Variants in CCBE1 observed in about 807,000 individuals in gnomAD.
CCBE1 encodes the protein collagen and calcium binding EGF domains 1, also known as collagen and calcium-binding EGF domain-containing protein 1.
In CCBE1, 37 loss-of-function variants were observed where a neutral mutation model predicts 50.0. That is an observed-to-expected ratio of 0.74 (90% CI 0.57 to 0.97). The LOEUF (loss-of-function observed/expected upper bound fraction) is 0.97, where lower values mean the gene tolerates loss of function less well. CCBE1 is among the 50% of genes least tolerant of loss of function. The probability of loss-of-function intolerance (pLI) is 0.00; values close to 1 mark genes in which losing one functional copy is unlikely to be tolerated. For missense variants in CCBE1, 538 were observed against 523.8 expected (o/e 1.03, Z -0.26); for synonymous variants, 234 against 203.7 (o/e 1.15, Z -1.27).
intron 2 of CCBE1, among the ~76,000 whole-genome samples, chr18:59,665,181 C>G (rs201419521): frequency 6.6e-5 from 10 of 151,802 alleles, no homozygotes; most frequent in African/African-American, 2.4e-4. Context: ...AGAGTCCCCC[C>G]GAGACAAAAG....
intron 2 of CCBE1, chr18:59,568,488 T>C (rs1386244939): frequency 6.6e-6 from 1 of 152,206 alleles, no homozygotes; most frequent in African/African-American, 2.4e-5. Context: ...CAATGGACTA[T>C]TTACTTTTCT....
chr18:59,684,697 T>A (rs1432852487), intron 2 of CCBE1, among the ~76,000 whole-genome samples: 1 of 152,220 alleles, frequency 6.6e-6, no homozygotes, highest in Non-Finnish European at 1.5e-5. Context: ...ATTGCTGTTG[T>A]AACACTCAAA....
At chr18:59,599,561 A>T (rs2053403236) in intron 2 of CCBE1, among the ~76,000 whole-genome samples, 2 of 152,170 alleles carry the variant, frequency 1.3e-5, no homozygotes, top group African/African-American at 4.8e-5. Context: ...GTCACATTTC[A>T]TTCCTGGCCA....
In CCBE1 at chr18:59,534,398, A is replaced by G. The variant is rs181292493; in HGVS notation, c.213-54160T>C. On this transcript the variant is annotated intron_variant, in intron 2 of 10. Transcript: ENST00000439986. Reference sequence around the variant, plus strand: ...CTTTAAAATAAGTGGGATATTATTAAAAGCATGAAGAATATAGAAGTCAGC... The same window carrying G: ...CTTTAAAATAAGTGGGATATTATTAGAAGCATGAAGAATATAGAAGTCAGC... Among the ~76,000 whole-genome samples the G allele has an allele frequency of 9.2e-5, 14 of 152,362 alleles. No homozygotes were observed. In the East Asian group the frequency reaches 2.7e-3, roughly 29 times the overall value.
At chr18:59,455,288 C>A in intron 5 of CCBE1, 2 of 401,478 alleles carry the variant, frequency 5.0e-6, no homozygotes, top group Non-Finnish European at 9.5e-6. Flanking sequence ...ATAAATCTGA[C>A]ATGATTTATA....
At chr18:59,557,804 C>T (rs1038985769) in intron 2 of CCBE1, among the ~76,000 whole-genome samples, 3 of 152,220 alleles carry the variant, frequency 2.0e-5, no homozygotes, top group African/African-American at 7.2e-5. Flanking sequence ...TATGCTTTCG[C>T]TGCTTCGTTC....
rs542581770 is a variant in CCBE1 at position 59,434,817 on chromosome 18, T to C, written c.*1091A>G. The C allele has an allele frequency of 1.3e-5, 2 of 152,192 alleles. No homozygotes were observed. Among genetic ancestry groups the C allele is most frequent in the Non-Finnish European group, 1.5e-5 (1 of 68,030 alleles). 9.4% of individuals were successfully genotyped at this position (152,192 alleles called of 1,614,324 possible). A position where few individuals can be genotyped will look rare whatever the true frequency, so the allele number is the denominator to read the frequency against. On this transcript the variant is annotated 3_prime_UTR_variant, in exon 11 of 11. Transcript: ENST00000439986. ...CTCAATATGTTGGTGGCAAGCTTGGTTGGCTCCAGACAAAAACTTGTAATA... is the reference window on the plus strand; with the variant it reads ...CTCAATATGTTGGTGGCAAGCTTGGCTGGCTCCAGACAAAAACTTGTAATA...
intron 2 of CCBE1, among the ~76,000 whole-genome samples, chr18:59,539,586 G>A (rs115719591): frequency 1.3e-5 from 2 of 152,306 alleles, no homozygotes; most frequent in African/African-American, 2.4e-5. Context: ...AAGTTTTGGA[G>A]CATTTTGTTA....
intron 2 of CCBE1, among the ~76,000 whole-genome samples, chr18:59,561,446 G>A (rs903380392): frequency 2.6e-5 from 4 of 152,212 alleles, no homozygotes; most frequent in African/African-American, 4.8e-5. Flanking sequence ...GGAATAGACC[G>A]AGGCAGACAT....
chr18:59,673,476 A>G (rs1323144539), intron 2 of CCBE1, among the ~76,000 whole-genome samples: 1 of 152,204 alleles, frequency 6.6e-6, no homozygotes, highest in Non-Finnish European at 1.5e-5. Context: ...ATGGTTTGAG[A>G]TTGTCAAGAA....
At chr18:59,520,614 C>G (rs7236862) in intron 2 of CCBE1, among the ~76,000 whole-genome samples, 42,845 of 152,066 alleles carry the variant, frequency 0.28, 7,753 homozygotes, top group African/African-American at 0.51. Context: ...TCATGTGCGC[C>G]TGCACACACA....
intron 2 of CCBE1, among the ~76,000 whole-genome samples, chr18:59,509,401 A>T (rs999183332): frequency 6.6e-6 from 1 of 152,232 alleles, no homozygotes; most frequent in Non-Finnish European, 1.5e-5. Context: ...TAATGATACT[A>T]TCTATAAACT....
chr18:59,690,459 C>T (rs527806790), intron 2 of CCBE1, among the ~76,000 whole-genome samples: 7 of 152,188 alleles, frequency 4.6e-5, no homozygotes, highest in South Asian at 2.1e-4. Context: ...AAAGGAGCTC[C>T]GGTCCTGCTG....
At chr18:59,693,082 A>G (rs930453297) in intron 2 of CCBE1, among the ~76,000 whole-genome samples, 5 of 152,124 alleles carry the variant, frequency 3.3e-5, no homozygotes, top group Admixed American at 3.3e-4. Context: ...GAGCGAGCAT[A>G]CCCTAAAGCT....
At chr18:59,526,193 T>C (rs920013847) in intron 2 of CCBE1, among the ~76,000 whole-genome samples, 1 of 152,178 alleles carries the variant, frequency 6.6e-6, no homozygotes, top group Non-Finnish European at 1.5e-5. Flanking sequence ...TTCGTGTATC[T>C]ATCTCCTTCA....
chr18:59,632,277 G>C (rs1317053406), intron 2 of CCBE1, among the ~76,000 whole-genome samples: 1 of 152,144 alleles, frequency 6.6e-6, no homozygotes, highest in Admixed American at 6.6e-5. Flanking sequence ...TCTGGGCTGG[G>C]ACCTGACAAT....
chr18:59,617,705 C>T (rs937458736), intron 2 of CCBE1, among the ~76,000 whole-genome samples: 2 of 152,190 alleles, frequency 1.3e-5, no homozygotes, highest in Admixed American at 6.5e-5. Flanking sequence ...CCACACAGCC[C>T]TTTAGATTGT....
At chr18:59,467,863 T>A (rs903816557) in intron 4 of CCBE1, among the ~76,000 whole-genome samples, 3 of 16,344 alleles carry the variant, frequency 1.8e-4, no homozygotes, top group African/African-American at 6.6e-4. Flanking sequence ...AGGGTGGTCA[T>A]CTGGACGCTC....
intron 2 of CCBE1, among the ~76,000 whole-genome samples, chr18:59,583,700 C>CGCGT (rs1555695377): frequency 1.1e-4 from 16 of 144,890 alleles, no homozygotes; most frequent in Non-Finnish European, 2.3e-4. Context: ...CGCGCGCGCG[C>CGCGT]GTGTGTGTGT....
Sources: allele counts gnomAD v4.1 joint callset (sites outside exome capture counted in the v4.1 genomes callset), GRCh38; gene constraint gnomAD v4.1.1; transcripts MANE v1.5; gene names NCBI Gene and HGNC (gene_info 2026-07-23, HGNC 2026-07-21).